The following DMD variants were observed in gnomAD, a reference collection of about 807,000 sequenced individuals.
DMD encodes the protein dystrophin, also known as mutant dystrophin.
Under a neutral mutation model 330.1 loss-of-function variants are expected in DMD, and 63 were observed. The ratio of observed to expected loss-of-function variants is 0.19; its 90% CI spans 0.16 to 0.24. The LOEUF is 0.24. DMD is among the 10% of genes least tolerant of loss of function. The probability of loss-of-function intolerance (pLI) is 1.00; values close to 1 mark genes in which losing one functional copy is unlikely to be tolerated. For missense variants in DMD, 3,344 were observed against 2,684.1 expected (o/e 1.25, Z -5.43); for synonymous variants, 1,223 against 959.8 (o/e 1.27, Z -5.07).
intron 2 of DMD, among the ~76,000 whole-genome samples, chrX:32,954,246 C>T (rs963541260): frequency 8.9e-6 from 1 of 112,300 alleles, no homozygotes. Context: ...AATACGATTG[C>T]TCCAAGGACC....
intron 4 of DMD, among the ~76,000 whole-genome samples, chrX:32,827,080 C>CACACAA (rs1451566096): frequency 5.3e-5 from 5 of 94,470 alleles, no homozygotes; most frequent in Non-Finnish European, 1.0e-4. Context: ...CACACACACA[C>CACACAA]ACAGCAGCAG....
At chrX:32,362,329 T>C (rs2097839668) in intron 37 of DMD, among the ~76,000 whole-genome samples, 1 of 111,744 alleles carries the variant, frequency 8.9e-6, no homozygotes, top group African/African-American at 3.3e-5. Context: ...GTACAAGACC[T>C]CATTTTGGAT....
chrX:31,857,879 A>C (rs895058046), intron 48 of DMD, among the ~76,000 whole-genome samples: 2 of 110,371 alleles, frequency 1.8e-5, no homozygotes, highest in Non-Finnish European at 3.8e-5. Flanking sequence ...TTTCTATATC[A>C]TGAATCACAT....
At chrX:31,252,923 G>A (rs2049543050) in intron 63 of DMD, among the ~76,000 whole-genome samples, 1 of 111,273 alleles carries the variant, frequency 9.0e-6, no homozygotes, top group South Asian at 3.8e-4. Flanking sequence ...CGCGGGCGGT[G>A]GAGGTTGCAG....
intron 1 of DMD, among the ~76,000 whole-genome samples, chrX:33,053,718 C>T (rs1206300558): frequency 1.8e-5 from 2 of 112,010 alleles, no homozygotes; most frequent in Non-Finnish European, 3.8e-5. Flanking sequence ...AAAAAGGAGA[C>T]ATCACCTAAA....
chrX:31,905,990 G>A (rs1434261477), intron 47 of DMD, among the ~76,000 whole-genome samples: 1 of 111,884 alleles, frequency 8.9e-6, no homozygotes, highest in East Asian at 2.8e-4. Flanking sequence ...TGGTTTGGCT[G>A]TGTCTGTACC....
chrX:32,145,505 T>C (rs927161335), intron 44 of DMD, among the ~76,000 whole-genome samples: 3 of 112,379 alleles, frequency 2.7e-5, no homozygotes, highest in African/African-American at 9.7e-5. Context: ...TGAAAGCTTC[T>C]TGCTCTGTTG....
chrX:31,206,993 C>G (rs778314266), intron 65 of DMD, among the ~76,000 whole-genome samples: 67 of 111,037 alleles, frequency 6.0e-4, no homozygotes, highest in Non-Finnish European at 1.1e-3. Flanking sequence ...CTATGGAAAG[C>G]CACCTTGGTT....
chrX:32,456,617 TA>T (rs2148366090), intron 25 of DMD, among the ~76,000 whole-genome samples: 1 of 90,764 alleles, frequency 1.1e-5, no homozygotes, highest in Non-Finnish European at 2.2e-5. Context: ...TGTGTGTGTG[TA>T]TGTGTGTGTG....
chrX:31,745,514 G>A (rs1423470515), intron 51 of DMD, among the ~76,000 whole-genome samples: 1 of 111,885 alleles, frequency 8.9e-6, no homozygotes, highest in Non-Finnish European at 1.9e-5. Context: ...AGTAACCCAA[G>A]AAAAGCCTCT....
At position 31,399,604 on chromosome X, in the gene DMD, C is replaced by T. The variant is rs191207891; in HGVS notation, c.9084+44877G>A. Among the ~76,000 whole-genome samples the T allele has an allele frequency of 1.3e-4, 15 of 111,235 alleles. No individual in the cohort carries two copies. The East Asian group carries it at 4.3e-3, about 32-fold the overall frequency. On this transcript the variant is annotated intron_variant, in intron 60 of 78. Transcript: ENST00000357033. ...GCCCAGAATTTCCCTGCCTTCTGTC[C>T]TTTATCAAAGCCACATCTTGACAGG...
chrX:31,447,361 T>G (rs1298297560), intron 59 of DMD, among the ~76,000 whole-genome samples: 2 of 105,840 alleles, frequency 1.9e-5, no homozygotes, highest in East Asian at 6.0e-4. Flanking sequence ...AGCCAAAGTC[T>G]TCATTCTCTT....
At chrX:32,833,257 T>C (rs1210773813) in intron 4 of DMD, among the ~76,000 whole-genome samples, 1 of 111,417 alleles carries the variant, frequency 9.0e-6, no homozygotes, top group African/African-American at 3.2e-5. Context: ...TTTGTTTATA[T>C]ACTGCCTCTT....
At chrX:31,542,856 G>A (rs192583619) in intron 55 of DMD, among the ~76,000 whole-genome samples, 3 of 113,085 alleles carry the variant, frequency 2.7e-5, no homozygotes, top group East Asian at 2.8e-4. Flanking sequence ...GGGCCACTGC[G>A]AATAGAGGGC....
intron 62 of DMD, among the ~76,000 whole-genome samples, chrX:31,319,357 A>G (rs780256696): frequency 8.9e-6 from 1 of 112,645 alleles, no homozygotes; most frequent in African/African-American, 3.2e-5. Context: ...TCGACTCTGG[A>G]TAAATATAAA....
chrX:33,190,583 G>C lies in DMD; in HGVS notation c.31+20699C>G, dbSNP rs1187914688. 2.7e-4 allele frequency among the ~76,000 whole-genome samples: 6 copies of C among 22,568 alleles called. 3 individuals carry two copies. The highest frequency in any genetic ancestry group is 1.2e-3 in the Non-Finnish European group (6 of 5,183). The allele number at this position is 22,568 out of a possible 115,157, so 19.6% of individuals were successfully genotyped here. On this transcript the variant is annotated intron_variant, in intron 1 of 78. Coordinates refer to ENST00000357033, the MANE Select transcript of DMD (RefSeq NM_004006.3). ...GCTCACTGCAAGCTCCGCTTCCCGG[G>C]TTCACGCCATTCTCCTGCCTCAGCC... is the stretch of plus-strand genomic sequence containing the variant.
intron 1 of DMD, among the ~76,000 whole-genome samples, chrX:33,108,811 A>AGCCGAG (rs1248405002): frequency 1.1e-5 from 1 of 90,878 alleles, no homozygotes; most frequent in Non-Finnish European, 2.1e-5. Flanking sequence ...GGTTGCAGTG[A>AGCCGAG]GCCGAGATCG....
chrX:31,589,085 A>G (rs779701596), intron 55 of DMD, among the ~76,000 whole-genome samples: 1 of 95,291 alleles, frequency 1.0e-5, no homozygotes, highest in Non-Finnish European at 2.1e-5. Context: ...GGTTTTTACC[A>G]TTGTCATGCA....
intron 44 of DMD, among the ~76,000 whole-genome samples, chrX:32,114,990 T>C (rs937548131): frequency 8.9e-6 from 1 of 112,097 alleles, no homozygotes; most frequent in African/African-American, 3.2e-5. Flanking sequence ...TTTGTGTTTG[T>C]CTAATTGTAT....
Sources: allele counts gnomAD v4.1 joint callset (sites outside exome capture counted in the v4.1 genomes callset), GRCh38; gene constraint gnomAD v4.1.1; transcripts MANE v1.5; gene names NCBI Gene and HGNC (gene_info 2026-07-23, HGNC 2026-07-21).